IMPG1: variants seen among roughly 807,000 people sequenced by gnomAD.
The protein encoded by IMPG1 is interphotoreceptor matrix proteoglycan of 150 kDa.
In IMPG1, 85 loss-of-function variants were observed where a neutral mutation model predicts 92.0. The observed-to-expected ratio is 0.92, with a 90% CI of 0.78 to 1.11. The LOEUF is 1.11. Among genes scored for constraint, IMPG1 ranks in the 50% least tolerant of loss-of-function variants. The pLI is 0.00. For missense variants in IMPG1, 1,022 were observed against 956.0 expected (o/e 1.07, Z -0.91); for synonymous variants, 367 against 334.1 (o/e 1.10, Z -1.08).
rs532614883 is a variant in IMPG1, at chr6:76,039,821, TG to T, written c.301+2071del. Among the ~76,000 whole-genome samples the T allele has an allele frequency of 2.0e-4, 31 of 152,360 alleles. 1 individual carries two copies. In the South Asian group the frequency reaches 5.8e-3, roughly 28 times the overall value. On this transcript the variant is annotated intron_variant, in intron 2 of 16. Coordinates refer to ENST00000369950, the MANE Select transcript of IMPG1 (RefSeq NM_001563.4). The stretch of plus-strand genomic sequence containing the variant: ...TTAGCAGAAACACACTTGCCTCTTT[TG>T]CATTTGGGCTTTGAGATAAGCACAT...
In IMPG1 at chr6:75,974,371, CTTT is replaced by C. The variant is rs1562354520; in HGVS notation, c.1292-23280_1292-23278del. ...TCTTTCTTTCTTTCTTTCTTTCTTT[CTTT>C]CTTTCTTTCTTTCTTTCTTTTCTTT... On this transcript the variant is annotated intron_variant, in intron 12 of 16. Coordinates refer to ENST00000369950, the MANE Select transcript of IMPG1 (RefSeq NM_001563.4). 1.8e-3 allele frequency among the ~76,000 whole-genome samples: 159 copies of C among 89,296 alleles called. 1 individual carries two copies. Among genetic ancestry groups the C allele is most frequent in the South Asian group, 0.013 (35 of 2,624 alleles). The allele number at this position is 89,296 out of a possible 152,430, so 58.6% of individuals were successfully genotyped here.
intron 1 of IMPG1, among the ~76,000 whole-genome samples, chr6:76,051,544 T>G (rs141083899): frequency 2.0e-5 from 3 of 152,330 alleles, no homozygotes; most frequent in Non-Finnish European, 4.4e-5. Flanking sequence ...GAATAAATGA[T>G]GCAAAAGAAG....
chr6:75,987,866 T>C lies in IMPG1; in HGVS notation c.1291+15052A>G, dbSNP rs565575333. 4.1e-3 allele frequency among the ~76,000 whole-genome samples: 630 copies of C among 152,152 alleles called. 4 individuals are homozygous for C. The highest frequency in any genetic ancestry group is 0.014 in the African/African-American group (598 of 41,498). On this transcript the variant is annotated intron_variant, in intron 12 of 16. Transcript: ENST00000369950. ...GTTTCACCATATTAGCCAGGATGGT[T>C]TCGATCTCCTGACCTCGTGATCCAC...
chr6:76,000,048 C>T (rs1373887764), intron 12 of IMPG1, among the ~76,000 whole-genome samples: 1 of 152,164 alleles, frequency 6.6e-6, no homozygotes, highest in African/African-American at 2.4e-5. Context: ...CGAGACTGTC[C>T]TCCTTATGAG....
At chr6:75,959,070 G>A (rs1006757731) in intron 12 of IMPG1, among the ~76,000 whole-genome samples, 10 of 152,080 alleles carry the variant, frequency 6.6e-5, no homozygotes, top group South Asian at 2.1e-4. Flanking sequence ...TTGTGTGGAC[G>A]TCCTTTTTGT....
chr6:76,002,985 C>G lies in IMPG1; in HGVS notation c.1224G>C (p.Leu408Phe), dbSNP rs746778199. 2 of 1,612,838 alleles carry G rather than the reference C, an allele frequency of 1.2e-6. No homozygotes were observed. The highest frequency in any genetic ancestry group is 1.3e-5 in the African/African-American group (1 of 74,840). ...GTTCAACAGGAGGAAGTTCTGGACT[C>G]AAAGTAGCATCCTGAAGAATGAATT... Reference protein sequence around the residue: ...SFAVITEDATLSPELPPVEPQ... With the variant: ...SFAVITEDATFSPELPPVEPQ... Residue 408 changes from leucine to phenylalanine, a missense_variant, in exon 12 of 17, where the codon TTG (leucine) becomes TTC (phenylalanine). Physicochemically the swap from Leu to Phe is conservative, Grantham distance 22. Coordinates refer to ENST00000369950, the MANE Select transcript of IMPG1 (RefSeq NM_001563.4).
intron 7 of IMPG1, among the ~76,000 whole-genome samples, chr6:76,011,630 A>G (rs954637558): frequency 3.3e-5 from 5 of 151,552 alleles, no homozygotes; most frequent in African/African-American, 1.2e-4. Context: ...ACATGTGCAC[A>G]TTGTGCAGGT....
At chr6:76,051,431 A>G (rs1418990872) in intron 1 of IMPG1, among the ~76,000 whole-genome samples, 4 of 152,234 alleles carry the variant, frequency 2.6e-5, no homozygotes, top group Non-Finnish European at 5.9e-5. Flanking sequence ...GAGAACAGAG[A>G]AGCTTCTACA....
chr6:75,948,497 C>G (rs1202779545), intron 13 of IMPG1, among the ~76,000 whole-genome samples: 1 of 152,148 alleles, frequency 6.6e-6, no homozygotes, highest in African/African-American at 2.4e-5. Context: ...TTGACTCTGA[C>G]CCAGTCCCAC....
chr6:76,027,917 C>T (rs909193674), intron 4 of IMPG1, among the ~76,000 whole-genome samples: 1 of 152,142 alleles, frequency 6.6e-6, no homozygotes, highest in Non-Finnish European at 1.5e-5. Context: ...ACTTCAGTTT[C>T]AAAATTGTCC....
chr6:76,002,382 G>T (rs1001618411), intron 12 of IMPG1, among the ~76,000 whole-genome samples: 4 of 152,188 alleles, frequency 2.6e-5, no homozygotes, highest in African/African-American at 9.7e-5. Context: ...GAATCACTAA[G>T]ACTTCAGTGT....
intron 12 of IMPG1, among the ~76,000 whole-genome samples, chr6:75,982,294 C>A (rs1319187510): frequency 2.6e-5 from 4 of 152,086 alleles, no homozygotes; most frequent in African/African-American, 7.2e-5. Flanking sequence ...AAAATGTATT[C>A]CACTTTGGGA....
intron 3 of IMPG1, 41 bp from the exon 4 acceptor site, chr6:76,034,384 T>C: frequency 6.4e-7 from 1 of 1,569,342 alleles, no homozygotes; most frequent in Non-Finnish European, 8.8e-7. Context: ...TACCAGGAGA[T>C]AATGCCAACC....
At chr6:75,969,233 G>T (rs150086187) in intron 12 of IMPG1, among the ~76,000 whole-genome samples, 1 of 152,032 alleles carries the variant, frequency 6.6e-6, no homozygotes, top group Non-Finnish European at 1.5e-5. Context: ...AAGAGATCAC[G>T]TGTATAACAT....
At chr6:76,066,359 G>C (rs569378621) in intron 1 of IMPG1, among the ~76,000 whole-genome samples, 1 of 151,982 alleles carries the variant, frequency 6.6e-6, no homozygotes, top group South Asian at 2.1e-4. Flanking sequence ...GAAGCTAAAG[G>C]GGTAGAAAAA....
At chr6:75,992,898 C>T (rs942391189) in intron 12 of IMPG1, among the ~76,000 whole-genome samples, 1 of 152,170 alleles carries the variant, frequency 6.6e-6, no homozygotes, top group Admixed American at 6.6e-5. Flanking sequence ...GATATCTCTG[C>T]TTCTCACTGT....
intron 9 of IMPG1, among the ~76,000 whole-genome samples, chr6:76,006,757 CTG>C (rs1783106219): frequency 1.3e-5 from 2 of 151,970 alleles, no homozygotes; most frequent in South Asian, 2.1e-4. Flanking sequence ...ACATAGGTAA[CTG>C]TATTTATTAT....
chr6:75,988,751 T>C (rs12197455), intron 12 of IMPG1, among the ~76,000 whole-genome samples: 61,875 of 151,938 alleles, frequency 0.41, 13,022 homozygotes, highest in East Asian at 0.57. Context: ...CACCTCAGGT[T>C]CTTCATGAAA....
intron 1 of IMPG1, among the ~76,000 whole-genome samples, chr6:76,048,185 G>A (rs1436498195): frequency 6.6e-6 from 1 of 152,148 alleles, no homozygotes; most frequent in Non-Finnish European, 1.5e-5. Context: ...CCCCTTACCT[G>A]AATCTTTGTA....
Sources: gnomAD v4.1 joint callset for allele counts (sites outside exome capture counted in the v4.1 genomes callset) on GRCh38, gnomAD v4.1.1 for gene constraint, MANE v1.5 for transcripts, NCBI Gene and HGNC (gene_info 2026-07-23, HGNC 2026-07-21) for gene names.